OSCP1: variants seen among roughly 807,000 people sequenced by gnomAD.
The protein encoded by OSCP1 is protein OSCP1.
In OSCP1, 35 loss-of-function variants were observed where a neutral mutation model predicts 45.1. The ratio of observed to expected loss-of-function variants is 0.78; its 90% CI spans 0.59 to 1.03. The LOEUF (loss-of-function observed/expected upper bound fraction) is 1.03, where lower values mean the gene tolerates loss of function less well. Among genes scored for constraint, OSCP1 ranks in the 50% least tolerant of loss-of-function variants. The pLI, the probability that OSCP1 is intolerant of heterozygous loss-of-function variation, is 0.00. For missense variants in OSCP1, 400 were observed against 470.7 expected, an observed-to-expected ratio of 0.85 and a Z score of 1.39; for synonymous variants, 179 against 180.1, an observed-to-expected ratio of 0.99 and a Z score of 0.05.
At chr1:36,441,464 A>G (rs1226587232) in intron 1 of OSCP1, among the ~76,000 whole-genome samples, 1 of 152,018 alleles carries the variant, frequency 6.6e-6, no homozygotes, top group Admixed American at 6.5e-5. Flanking sequence ...AAATTTAATT[A>G]GCGTACGGGC....
At chr1:36,429,011 G>C (rs1255388071) in intron 4 of OSCP1, among the ~76,000 whole-genome samples, 1 of 152,188 alleles carries the variant, frequency 6.6e-6, no homozygotes. Flanking sequence ...CTGGGCTGAA[G>C]TGATCCTCCT....
At chr1:36,425,680 C>T (rs190004510) in intron 4 of OSCP1, among the ~76,000 whole-genome samples, 1 of 150,554 alleles carries the variant, frequency 6.6e-6, no homozygotes, top group East Asian at 1.9e-4. Context: ...TTGCATTGAG[C>T]TGAGACCTTG....
At chr1:36,437,304 G>T (rs779958939) in intron 2 of OSCP1, among the ~76,000 whole-genome samples, 4 of 151,280 alleles carry the variant, frequency 2.6e-5, no homozygotes, top group African/African-American at 9.7e-5. Context: ...TTATTCAGAG[G>T]TAGATATATT....
At chr1:36,446,488 T>C (rs1649548017) in intron 1 of OSCP1, among the ~76,000 whole-genome samples, 1 of 151,966 alleles carries the variant, frequency 6.6e-6, no homozygotes, top group Non-Finnish European at 1.5e-5. Flanking sequence ...TGGCAGATGC[T>C]CCCGAAGGCA....
At chr1:36,444,643 C>A (rs1295321656) in intron 1 of OSCP1, among the ~76,000 whole-genome samples, 1 of 151,960 alleles carries the variant, frequency 6.6e-6, no homozygotes, top group Admixed American at 6.6e-5. Flanking sequence ...ATGATGGGAC[C>A]ACTATGAAGA....
intron 4 of OSCP1, among the ~76,000 whole-genome samples, chr1:36,429,535 A>ATTTTTTTTTTGTTTTTTTTTTTTT (rs1648211928): frequency 1.0e-5 from 1 of 100,286 alleles, no homozygotes; most frequent in African/African-American, 4.2e-5. Flanking sequence ...GAAGCTTAGA[A>ATTTTTTTTTTGTTTTTTTTTTTTT]TTTTTTTTTT....
chr1:36,419,193 C>T (rs1647464835), intron 8 of OSCP1, 139 bp from the exon 9 acceptor site: 2 of 741,210 alleles, frequency 2.7e-6, no homozygotes, highest in African/African-American at 3.5e-5. Flanking sequence ...CCCCATCTCC[C>T]ACCAATGTAC....
At chr1:36,425,935 G>C (rs186774200) in intron 4 of OSCP1, among the ~76,000 whole-genome samples, 6 of 152,240 alleles carry the variant, frequency 3.9e-5, no homozygotes, top group Admixed American at 3.9e-4. Context: ...CGGGAGTCTG[G>C]GGGGAGGCAG....
intron 4 of OSCP1, among the ~76,000 whole-genome samples, chr1:36,424,057 C>T (rs1647820511): frequency 6.6e-6 from 1 of 151,990 alleles, no homozygotes; most frequent in Non-Finnish European, 1.5e-5. Flanking sequence ...GCGATTCTCC[C>T]GTCATAGCCC....
chr1:36,438,686 C>A, intron 2 of OSCP1, 70 bp downstream of exon 2: 1 of 1,514,606 alleles, frequency 6.6e-7, no homozygotes, highest in South Asian at 1.3e-5. Flanking sequence ...CTCATGTGAC[C>A]CCAGTCTATG....
intron 7 of OSCP1, among the ~76,000 whole-genome samples, chr1:36,421,732 C>G (rs2153337): frequency 0.57 from 87,453 of 152,094 alleles, 25,796 homozygotes; most frequent in African/African-American, 0.7. Context: ...GCGAAAACTT[C>G]TAAGGATGGA....
At position 36,419,039 on chromosome 1, in the gene OSCP1, G is replaced by A; in HGVS notation, c.975C>T (p.Thr325=). The A allele has an allele frequency of 1.2e-6, 2 of 1,612,490 alleles. No homozygotes were observed. Among genetic ancestry groups the A allele is most frequent in the East Asian group, 2.2e-5 (1 of 44,882 alleles). Residue 325 remains threonine (T), a synonymous_variant, in exon 9 of 10, where the codon ACC becomes ACT. Coordinates refer to ENST00000235532, the MANE Select transcript of OSCP1 (RefSeq NM_145047.5). ...CTTCATAGGATAACTCTTCTGGCCT[G>A]GTTAGCGCTGCTTGTCTGGATGAGA... ...TDEEEEQAAL[T]RPEELSYEVI... is the part of the protein sequence containing the mutation.
intron 1 of OSCP1, among the ~76,000 whole-genome samples, chr1:36,445,731 T>C (rs1570552303): frequency 6.7e-6 from 1 of 149,258 alleles, no homozygotes; most frequent in African/African-American, 2.5e-5. Flanking sequence ...TTATTTATTT[T>C]TGAGACAGGG....
intron 1 of OSCP1, among the ~76,000 whole-genome samples, chr1:36,440,644 C>CCTGACCA (rs1649072248): frequency 6.6e-6 from 1 of 152,168 alleles, no homozygotes; most frequent in Admixed American, 6.5e-5. Flanking sequence ...TTGCCTCATG[C>CCTGACCA]CTGACCACCT....
chr1:36,422,701 CT>C (rs35889349), intron 6 of OSCP1, 66 bp downstream of exon 6: 128,719 of 1,150,082 alleles, frequency 0.11, 1 homozygote, highest in East Asian at 0.15. Context: ...GGCTGTTTCT[CT>C]TTTTTTTTTT....
intron 7 of OSCP1, among the ~76,000 whole-genome samples, chr1:36,421,294 G>A (rs1048446862): frequency 2.0e-5 from 3 of 152,210 alleles, no homozygotes; most frequent in Non-Finnish European, 2.9e-5. Flanking sequence ...ACTGTGATCC[G>A]TTACGTAAGC....
intron 1 of OSCP1, among the ~76,000 whole-genome samples, chr1:36,440,161 GA>G (rs535891323): frequency 1.6e-4 from 25 of 152,348 alleles, no homozygotes; most frequent in Middle Eastern, 3.4e-3. Context: ...CACTCCAGAT[GA>G]CTGCCTGTGG....
At chr1:36,443,491 G>T (rs1274664549) in intron 1 of OSCP1, among the ~76,000 whole-genome samples, 1 of 152,176 alleles carries the variant, frequency 6.6e-6, no homozygotes, top group Non-Finnish European at 1.5e-5. Flanking sequence ...TGAAGCTTTT[G>T]CATGATGAGG....
At position 36,447,234 on chromosome 1, in the gene OSCP1, T is replaced by C. The variant is rs561642605; in HGVS notation, c.112+3024A>G. ...TGGTGGAATAGGTGGAAGACATGAG[T>C]ATTTCTCAGCCCGTTGAATCCTATG... On this transcript the variant is annotated intron_variant, in intron 1 of 9. Coordinates refer to ENST00000235532, the MANE Select transcript of OSCP1 (RefSeq NM_145047.5). This position sits in a 1 kb window ranked among gnomAD's most constrained non-coding sequence, Gnocchi z 4.1. 2.0e-5 allele frequency among the ~76,000 whole-genome samples: 3 copies of C among 152,240 alleles called. No individual in the cohort carries two copies. In the South Asian group the frequency reaches 6.2e-4, roughly 32 times the overall value.
Sources: allele counts gnomAD v4.1 joint callset (sites outside exome capture counted in the v4.1 genomes callset), GRCh38; gene constraint gnomAD v4.1.1; non-coding constraint Gnocchi (gnomAD v3.1); transcripts MANE v1.5; gene names NCBI Gene and HGNC (gene_info 2026-07-23, HGNC 2026-07-21).